FGF22: variants seen among roughly 807,000 people sequenced by gnomAD.
FGF22 encodes the protein FGF-22.
A neutral mutation model predicts 10.3 loss-of-function variants in FGF22; 11 were observed. The observed-to-expected ratio is 1.07, with a 90% CI of 0.67 to 1.77. FGF22 has a LOEUF of 1.77. Among genes scored for constraint, FGF22 ranks in the 40% most tolerant of loss-of-function variants. FGF22 has a pLI of 0.00. For synonymous variants in FGF22, 136 were observed against 122.1 expected, an observed-to-expected ratio of 1.11 and a Z score of -0.75; for missense variants, 317 against 273.2, an observed-to-expected ratio of 1.16 and a Z score of -1.13.
chr19:642,833 G>C (rs1437542398), intron 1 of FGF22, among the ~76,000 whole-genome samples: 1 of 131,706 alleles, frequency 7.6e-6, no homozygotes, highest in Non-Finnish European at 1.6e-5. Flanking sequence ...CTTCCTCGTG[G>C]TGTTGCTGCC....
exon 1 of FGF22, chr19:639,904 G>T (rs1219217875): frequency 3.3e-6 from 4 of 1,204,534 alleles, no homozygotes; most frequent in Admixed American, 8.7e-5. Context: ...CGACGAGCGC[G>T]CAGCGAACCG....
At chr19:639,966 T>C in exon 1 of FGF22, 1 of 1,256,176 alleles carries the variant, frequency 8.0e-7, no homozygotes, top group Non-Finnish European at 1.0e-6. Context: ...TGGCTGCTGC[T>C]GGCGCGGGCG....
At chr19:643,050 G>T (rs1169083181) in intron 1 of FGF22, among the ~76,000 whole-genome samples, 185 bp from the exon 2 acceptor site, 1 of 152,108 alleles carries the variant, frequency 6.6e-6, no homozygotes, top group African/African-American at 2.4e-5. Flanking sequence ...ATGCTGGGGG[G>T]GGCTCCTGGT....
In FGF22 at chr19:643,535, GC is replaced by G. The variant is rs760109035; in HGVS notation, c.448del (p.Arg150GlyfsTer75). ...TCCTGGCGCTGGACAGGAGGGGGGG[GC>G]CCCGGCCAGGCGGCCGGACGCGGCG... On this transcript the variant is annotated frameshift_variant, in exon 3 of 3. Coordinates refer to ENST00000215530, the Ensembl canonical transcript of FGF22. LOFTEE classifies it low-confidence loss of function (END_TRUNC). The G allele has an allele frequency of 5.6e-6, 9 of 1,602,280 alleles. No homozygotes were observed. Among genetic ancestry groups the G allele is most frequent in the Non-Finnish European group, 6.0e-6 (7 of 1,176,280 alleles).
chr19:639,944 C>T, exon 1 of FGF22: 2 of 1,233,692 alleles, frequency 1.6e-6, no homozygotes, highest in South Asian at 3.5e-5. Flanking sequence ...CCGCCTGTGG[C>T]TGGGCCTGGC....
intron 1 of FGF22, among the ~76,000 whole-genome samples, chr19:642,997 C>A (rs1485244768): frequency 1.7e-5 from 2 of 114,496 alleles, no homozygotes; most frequent in African/African-American, 6.3e-5. Flanking sequence ...TGGGGGCCGT[C>A]CTGCTTCCCG....
Position 640,118 on chromosome 19 carries a change from CG to C in FGF22, c.194del (p.Arg65ProfsTer33). 1 of 1,372,446 alleles carries C rather than the reference CG, an allele frequency of 7.3e-7. No individual in the cohort carries two copies. The highest frequency in any genetic ancestry group is 9.4e-7 in the Non-Finnish European group (1 of 1,064,148). 85.0% of individuals were successfully genotyped at this position (1,372,446 alleles called of 1,614,324 possible). ...TCCCGGCGGCCGCGTGCAGGGCACC[CG>C]CTGGCGCCACGGCCAGGACAGTGAG... is the stretch of plus-strand genomic sequence containing the variant. On this transcript the variant is annotated frameshift_variant, in exon 1 of 3. Coordinates refer to ENST00000215530, the Ensembl canonical transcript of FGF22. LOFTEE classifies it high-confidence loss of function.
Position 643,406 on chromosome 19 carries a change from G to T in FGF22, c.319-4G>T, listed in dbSNP as rs372364216. On this transcript the variant is annotated splice_polypyrimidine_tract_variant and splice_region_variant and intron_variant, in intron 2 of 2. Transcript: ENST00000215530. ...GGGTGGGCCGGCCTCACCCCCGCCCGCAGCGACTCTACACCGTGGACTGCA... is the reference window on the plus strand; with the variant it reads ...GGGTGGGCCGGCCTCACCCCCGCCCTCAGCGACTCTACACCGTGGACTGCA... 1.9e-6 allele frequency: 3 copies of T among 1,600,958 alleles called. No individual in the cohort carries two copies. The highest frequency in any genetic ancestry group is 1.7e-5 in the Admixed American group (1 of 59,684).
chr19:643,552 G>A lies in FGF22; in HGVS notation c.461G>A (p.Arg154Gln), dbSNP rs776696707. ...AGGGGGGGGCCCCGGCCAGGCGGCC[G>A]GACGCGGCGGTACCACCTGTCCGCC... The change falls in exon 3 of 3, where the codon CGG (arginine) becomes CAG (glutamine). Residue 154 changes from arginine (R) to glutamine (Q), a missense_variant. By Grantham distance (43) the Arg-to-Gln change is conservative (BLOSUM62 1). Coordinates refer to ENST00000215530, the Ensembl canonical transcript of FGF22. 61 of 1,588,902 alleles carry A rather than the reference G, an allele frequency of 3.8e-5. No individual in the cohort carries two copies. Among genetic ancestry groups the A allele is most frequent in the East Asian group, 9.1e-5 (4 of 44,008 alleles).
intron 1 of FGF22, 194 bp downstream of exon 1, chr19:640,333 G>A (rs548103794): frequency 1.0e-5 from 4 of 392,018 alleles, no homozygotes; most frequent in Admixed American, 4.6e-5. Context: ...AGCGAAGGCT[G>A]CAGCGGCGGA....
At chr19:640,517 C>G (rs1985866177) in intron 1 of FGF22, 1 of 179,578 alleles carries the variant, frequency 5.6e-6, no homozygotes, top group Admixed American at 6.3e-5. Flanking sequence ...TCAGGGCTGC[C>G]TGAGTCGGGG....
At position 641,432 on chromosome 19, in the gene FGF22, G is replaced by A. The variant is rs961617631; in HGVS notation, c.214+1293G>A. The A allele has an allele frequency of 6.1e-5, 22 of 360,700 alleles. 1 individual carries two copies. The highest frequency in any genetic ancestry group is 4.5e-4 in the East Asian group (6 of 13,358). 22.3% of individuals were successfully genotyped at this position (360,700 alleles called of 1,614,324 possible). A position where few individuals can be genotyped will look rare whatever the true frequency, so the allele number is the denominator to read the frequency against. ...TCTACCAAAAATACAAAAATTAGCC[G>A]GGTGTGGTGGCGGGCGCCTGTAGTC... On this transcript the variant is annotated intron_variant, in intron 1 of 2. Coordinates refer to ENST00000215530, the Ensembl canonical transcript of FGF22.
At chr19:640,424 T>C (rs1190512347) in intron 1 of FGF22, 2 of 295,528 alleles carry the variant, frequency 6.8e-6, no homozygotes, top group East Asian at 1.1e-4. Flanking sequence ...AAACTGAGGC[T>C]CCAGAGGGGC....
rs892963018 is a variant in FGF22 at position 643,540 on chromosome 19, G to A, written c.449G>A (p.Arg150Gln). Residue 150 changes from arginine to glutamine, a missense_variant, in exon 3 of 3, where the codon CGG becomes CAG. Transcript: ENST00000215530. ...GCGCTGGACAGGAGGGGGGGGCCCC[G>A]GCCAGGCGGCCGGACGCGGCGGTAC... is the stretch of plus-strand genomic sequence containing the variant. The A allele has an allele frequency of 2.2e-5, 35 of 1,599,548 alleles. No homozygotes were observed. In the Admixed American group the frequency reaches 2.2e-4, roughly 10 times the overall value.
rs763734279 is a variant in FGF22 at position 643,377 on chromosome 19, G to T, written c.319-33G>T. The T allele has an allele frequency of 1.2e-5, 19 of 1,602,784 alleles. No homozygotes were observed. In the East Asian group the frequency reaches 4.3e-4, roughly 36 times the overall value. Reference sequence around the variant, plus strand: ...AGGGCTGGGCGGCGCGGGCAGGGTGGGGAGGGTGGGCCGGCCTCACCCCCG... The same window carrying T: ...AGGGCTGGGCGGCGCGGGCAGGGTGTGGAGGGTGGGCCGGCCTCACCCCCG... On this transcript the variant is annotated intron_variant, in intron 2 of 2. Coordinates refer to ENST00000215530, the Ensembl canonical transcript of FGF22.
At chr19:641,061 C>T in intron 1 of FGF22, 1 of 414,254 alleles carries the variant, frequency 2.4e-6, no homozygotes. Flanking sequence ...CTGCCTCTCT[C>T]CAAGCCTCGG....
chr19:643,331 A>G (rs1985971115), exon 2 of FGF22: 1 of 1,489,962 alleles, frequency 6.7e-7, no homozygotes. Flanking sequence ...GGCCGCCTCT[A>G]CGGGTCGGTG....
intron 1 of FGF22, chr19:641,216 G>A (rs1338349598): frequency 2.0e-5 from 9 of 456,368 alleles, no homozygotes; most frequent in Non-Finnish European, 2.6e-5. Context: ...CCACCCTCCT[G>A]GGGCTCCCAG....
exon 1 of FGF22, chr19:640,103 C>T (rs1985852608): frequency 2.2e-6 from 3 of 1,392,386 alleles, no homozygotes; most frequent in Non-Finnish European, 2.8e-6. Context: ...TCCCGGCGGC[C>T]GCGTGCAGGG....
Sources: allele counts gnomAD v4.1 joint callset (sites outside exome capture counted in the v4.1 genomes callset), GRCh38; gene constraint gnomAD v4.1.1; transcripts MANE v1.5; gene names NCBI Gene and HGNC (gene_info 2026-07-23, HGNC 2026-07-21).